Variants in FKBP9 observed in about 807,000 individuals in gnomAD.
FKBP9 encodes the protein peptidyl-prolyl cis-trans isomerase FKBP9.
Under a neutral mutation model 55.6 loss-of-function variants are expected in FKBP9, and 27 were observed. The observed-to-expected ratio is 0.49, with a 90% CI of 0.36 to 0.67. The LOEUF (loss-of-function observed/expected upper bound fraction) is 0.67. FKBP9 is among the 30% of genes least tolerant of loss of function. The pLI is 0.00. For synonymous variants in FKBP9, 267 were observed against 296.5 expected (o/e 0.90, Z 1.02); for missense variants, 539 against 742.8 (o/e 0.73, Z 3.19).
chr7:32,969,024 G>GT (rs1343493645), intron 1 of FKBP9, among the ~76,000 whole-genome samples: 3 of 152,150 alleles, frequency 2.0e-5, no homozygotes, highest in African/African-American at 7.2e-5. Flanking sequence ...TCATTCGCTT[G>GT]TTGGCCATTT....
At chr7:32,972,456 G>A (rs1353961766) in intron 1 of FKBP9, among the ~76,000 whole-genome samples, 2 of 151,764 alleles carry the variant, frequency 1.3e-5, no homozygotes, top group Non-Finnish European at 2.9e-5. Context: ...GGGAAAAAGA[G>A]GAAAAAGTGA....
intron 5 of FKBP9, among the ~76,000 whole-genome samples, chr7:32,983,176 A>ACC (rs1197533653): frequency 6.6e-6 from 1 of 152,034 alleles, no homozygotes; most frequent in East Asian, 1.9e-4. Flanking sequence ...GGCATGAGCC[A>ACC]CCACTCCCAG....
rs1156270066 is a variant in FKBP9 at position 32,996,200 on chromosome 7, C to T, written c.1077C>T (p.Ile359=). ...IPGSAVLVFD[I]HVIDFHNPSD... is the part of the protein sequence containing the mutation. ...GCTCGGCTGTGCTGGTGTTTGACATCCATGTGATCGACTTCCACAACCCTT... is the reference window on the plus strand; with the variant it reads ...GCTCGGCTGTGCTGGTGTTTGACATTCATGTGATCGACTTCCACAACCCTT... Residue 359 remains isoleucine, a synonymous_variant, in exon 7 of 10, where the codon ATC becomes ATT. Coordinates refer to ENST00000242209, the MANE Select transcript of FKBP9 (RefSeq NM_007270.5). The T allele has an allele frequency of 1.9e-6, 3 of 1,614,054 alleles. No individual in the cohort carries two copies. The African/African-American group carries it at 4.0e-5, about 22-fold the overall frequency.
chr7:32,996,682 C>T (rs1784799806), intron 7 of FKBP9, among the ~76,000 whole-genome samples: 1 of 136,130 alleles, frequency 7.3e-6, no homozygotes, highest in South Asian at 2.6e-4. Flanking sequence ...CCCTCCCTTC[C>T]TCTTCTTTCC....
chr7:33,001,188 C>T (rs1004515548), intron 8 of FKBP9, among the ~76,000 whole-genome samples: 17 of 152,050 alleles, frequency 1.1e-4, no homozygotes, highest in African/African-American at 3.9e-4. Flanking sequence ...ATTTTTTCCC[C>T]GTAAAAGAAT....
At chr7:32,982,354 C>G (rs117031547) in intron 5 of FKBP9, among the ~76,000 whole-genome samples, 9,753 of 152,112 alleles carry the variant, frequency 0.064, 414 homozygotes, top group East Asian at 0.21. Context: ...CAAGTATAAG[C>G]AAACACAAAT....
intron 5 of FKBP9, among the ~76,000 whole-genome samples, chr7:32,982,982 TTA>T (rs1216993112): frequency 1.3e-5 from 1 of 77,836 alleles, no homozygotes; most frequent in African/African-American, 3.6e-5. Context: ...GGGTCAAAGG[TTA>T]TGTGTGTGTG....
At chr7:32,988,876 G>A (rs887114923) in intron 6 of FKBP9, 13 of 471,718 alleles carry the variant, frequency 2.8e-5, no homozygotes, top group African/African-American at 1.4e-4. Flanking sequence ...CTACAGGCAC[G>A]CACCACCACA....
intron 5 of FKBP9, among the ~76,000 whole-genome samples, chr7:32,981,028 C>T (rs1468414470): frequency 6.8e-6 from 1 of 148,014 alleles, no homozygotes; most frequent in Non-Finnish European, 1.5e-5. Context: ...TCCCACCATC[C>T]CCCTATACTG....
At chr7:32,957,922 GC>G in intron 1 of FKBP9, 128 bp downstream of exon 1, 1 of 729,748 alleles carries the variant, frequency 1.4e-6, no homozygotes, top group Non-Finnish European at 2.0e-6. Flanking sequence ...TTCTTCCGCT[GC>G]CCAGATCCTC....
rs564316370 is a variant in FKBP9, at chr7:32,987,254, C to T, written c.894-1253C>T. 2.0e-4 allele frequency among the ~76,000 whole-genome samples: 30 copies of T among 152,198 alleles called. 1 individual carries two copies. In the South Asian group the frequency reaches 5.6e-3, roughly 28 times the overall value. Reference sequence around the variant, plus strand: ...GCTCAAGCCTGTAATTCCACACTTTCGGAGGCCAGGGCAGGCAGATCGCTT... The same window carrying T: ...GCTCAAGCCTGTAATTCCACACTTTTGGAGGCCAGGGCAGGCAGATCGCTT... On this transcript the variant is annotated intron_variant, in intron 5 of 9. Coordinates refer to ENST00000242209, the MANE Select transcript of FKBP9 (RefSeq NM_007270.5).
chr7:32,960,471 G>T (rs769097199), intron 1 of FKBP9, among the ~76,000 whole-genome samples: 1 of 152,054 alleles, frequency 6.6e-6, no homozygotes, highest in Non-Finnish European at 1.5e-5. Flanking sequence ...TTGTGGTTTC[G>T]ATCTGCATTT....
chr7:32,999,832 T>C (rs1379868300), intron 7 of FKBP9, among the ~76,000 whole-genome samples: 3 of 152,202 alleles, frequency 2.0e-5, no homozygotes, highest in Admixed American at 1.3e-4. Context: ...AGCCTCCACC[T>C]CCTGGGCTCA....
intron 1 of FKBP9, among the ~76,000 whole-genome samples, chr7:32,968,707 G>T (rs1228247760): frequency 2.6e-5 from 4 of 152,026 alleles, no homozygotes; most frequent in Admixed American, 6.6e-5. Flanking sequence ...TGAGTAGCTG[G>T]GACTACAGGC....
chr7:32,980,624 T>C, intron 5 of FKBP9, 71 bp downstream of exon 5: 1 of 1,566,902 alleles, frequency 6.4e-7, no homozygotes, highest in Non-Finnish European at 8.7e-7. Flanking sequence ...GGCTGGACCA[T>C]GATTTAAATA....
In FKBP9 at chr7:32,965,872, C is replaced by T. The variant is rs1419468387; in HGVS notation, c.221+8078C>T. On this transcript the variant is annotated intron_variant, in intron 1 of 9. Coordinates refer to ENST00000242209, the MANE Select transcript of FKBP9 (RefSeq NM_007270.5). Reference sequence around the variant, plus strand: ...GTGTACAGATATATATATATACATACATATATATATATAGAGAGAGAGAGA... The same window carrying T: ...GTGTACAGATATATATATATACATATATATATATATATAGAGAGAGAGAGA... Among the ~76,000 whole-genome samples the T allele has an allele frequency of 2.8e-3, 203 of 73,380 alleles. 1 individual carries two copies. Among genetic ancestry groups the T allele is most frequent in the Non-Finnish European group, 3.7e-3 (160 of 43,738 alleles). 48.1% of individuals were successfully genotyped at this position (73,380 alleles called of 152,430 possible).
intron 6 of FKBP9, among the ~76,000 whole-genome samples, chr7:32,993,857 T>A (rs1187086418): frequency 3.3e-5 from 5 of 152,184 alleles, no homozygotes; most frequent in Non-Finnish European, 7.4e-5. Flanking sequence ...TAAATTTCAT[T>A]CCTTTTTATT....
At chr7:32,962,695 A>C (rs1784049567) in intron 1 of FKBP9, among the ~76,000 whole-genome samples, 1 of 152,038 alleles carries the variant, frequency 6.6e-6, no homozygotes, top group Non-Finnish European at 1.5e-5. Flanking sequence ...GCTGGAATTC[A>C]TTTATTCATC....
In FKBP9 at chr7:32,992,981, C is replaced by T. The variant is rs1209369539; in HGVS notation, c.1040-3182C>T. 1.4e-4 allele frequency: 33 copies of T among 231,398 alleles called. No individual in the cohort carries two copies. The East Asian group carries it at 2.0e-3, about 14-fold the overall frequency. 14.3% of individuals were successfully genotyped at this position (231,398 alleles called of 1,614,324 possible). On this transcript the variant is annotated intron_variant, in intron 6 of 9. Transcript: ENST00000242209. ...CATGGTTCCTTGACTGGGTGTGAAT[C>T]GACCTCTACACTGGTTGGAATTCTT... is the stretch of plus-strand genomic sequence containing the variant.
Sources: allele counts gnomAD v4.1 joint callset (sites outside exome capture counted in the v4.1 genomes callset), GRCh38; gene constraint gnomAD v4.1.1; transcripts MANE v1.5; gene names NCBI Gene and HGNC (gene_info 2026-07-23, HGNC 2026-07-21).